Variants in RGS7 observed in about 807,000 individuals in gnomAD.
The protein encoded by RGS7 is regulator of G-protein signaling 7.
In RGS7, 27 loss-of-function variants were observed where a neutral mutation model predicts 81.1. The observed-to-expected ratio is 0.33, with a 90% CI of 0.25 to 0.46. RGS7 has a LOEUF of 0.46. Among genes scored for constraint, RGS7 ranks in the 20% least tolerant of loss-of-function variants. The probability of loss-of-function intolerance (pLI) is 1.00; values close to 1 mark genes in which losing one functional copy is unlikely to be tolerated. For synonymous variants in RGS7, 208 were observed against 207.7 expected (o/e 1.00, Z -0.01); for missense variants, 396 against 607.4 (o/e 0.65, Z 3.66).
chr1:240,959,118 ACTTTG>A lies in RGS7; in HGVS notation c.227-22417_227-22413del, dbSNP rs368556483. Among the ~76,000 whole-genome samples the A allele has an allele frequency of 3.0e-4, 45 of 152,342 alleles. 1 individual carries two copies. In the East Asian group the frequency reaches 6.7e-3, roughly 23 times the overall value. On this transcript the variant is annotated intron_variant, in intron 4 of 18. Coordinates refer to ENST00000440928, the MANE Select transcript of RGS7 (RefSeq NM_001364886.1). ...TCTTTGATACTTATAATAAATGCTC[ACTTTG>A]CTTTGATACTGGATATGACTAAAGT...
intron 2 of RGS7, among the ~76,000 whole-genome samples, chr1:241,200,694 T>C (rs190970485): frequency 3.3e-5 from 5 of 152,304 alleles, no homozygotes; most frequent in African/African-American, 9.6e-5. Flanking sequence ...CCCTCTCCTT[T>C]AGCTTCCATG....
chr1:240,875,460 T>C (rs1371313678), intron 6 of RGS7, among the ~76,000 whole-genome samples: 3 of 152,258 alleles, frequency 2.0e-5, no homozygotes, highest in Non-Finnish European at 4.4e-5. Context: ...TGATTCTGTA[T>C]CTTGGCTATT....
chr1:240,998,337 A>C, intron 3 of RGS7: 6 of 455,250 alleles, frequency 1.3e-5, no homozygotes, highest in Non-Finnish European at 2.4e-5. Context: ...AGCTTCTTCA[A>C]CTGAAGGTTT....
chr1:241,330,062 C>T (rs923991585), intron 2 of RGS7, among the ~76,000 whole-genome samples: 1 of 152,160 alleles, frequency 6.6e-6, no homozygotes, highest in African/African-American at 2.4e-5. Flanking sequence ...GCCTCAGCCT[C>T]TCGAGTAGCT....
intron 2 of RGS7, among the ~76,000 whole-genome samples, chr1:241,162,910 T>C (rs2069847668): frequency 6.6e-6 from 1 of 152,242 alleles, no homozygotes; most frequent in African/African-American, 2.4e-5. Context: ...AGTCTATTGA[T>C]AGCTGTTGCC....
In RGS7 at chr1:240,868,900, C is replaced by G. The variant is rs1381168795; in HGVS notation, c.451-48G>C. 1 of 1,533,000 alleles carries G rather than the reference C, an allele frequency of 6.5e-7. No individual in the cohort carries two copies. The highest frequency in any genetic ancestry group is 1.1e-5 in the South Asian group (1 of 89,486). 95.0% of individuals were successfully genotyped at this position (1,533,000 alleles called of 1,614,324 possible). ...AGACATTTGGTGTTCATTGTCACTGCTCTCTTCTAGCTTAGTTACCACTTG... is the reference window on the plus strand; with the variant it reads ...AGACATTTGGTGTTCATTGTCACTGGTCTCTTCTAGCTTAGTTACCACTTG... On this transcript the variant is annotated intron_variant, in intron 7 of 18. Coordinates refer to ENST00000440928, the MANE Select transcript of RGS7 (RefSeq NM_001364886.1). This position sits in a 1 kb window ranked among gnomAD's most constrained non-coding sequence, Gnocchi z 5.1.
intron 4 of RGS7, among the ~76,000 whole-genome samples, chr1:240,962,520 A>T (rs4660015): frequency 0.36 from 54,783 of 152,054 alleles, 11,283 homozygotes; most frequent in East Asian, 0.64. Flanking sequence ...AACCCACTAG[A>T]CAAGGTGCCA....
chr1:241,099,574 G>A (rs888763790), intron 2 of RGS7, among the ~76,000 whole-genome samples: 2 of 152,058 alleles, frequency 1.3e-5, no homozygotes, highest in African/African-American at 2.4e-5. Flanking sequence ...ATTCTAAAGG[G>A]CTGTGCTTCA....
intron 2 of RGS7, among the ~76,000 whole-genome samples, chr1:241,193,497 C>T (rs916751100): frequency 4.6e-5 from 7 of 152,216 alleles, no homozygotes; most frequent in Non-Finnish European, 1.0e-4. Context: ...CTGATATTAT[C>T]AATCAATTCA....
chr1:241,317,529 A>G (rs554028120), intron 2 of RGS7, among the ~76,000 whole-genome samples: 2 of 152,034 alleles, frequency 1.3e-5, no homozygotes, highest in East Asian at 3.9e-4. Context: ...GCTACTGTCA[A>G]CTCTTCAGCT....
intron 2 of RGS7, among the ~76,000 whole-genome samples, chr1:241,221,017 G>GGAAT (rs1558203672): frequency 9.5e-6 from 1 of 104,946 alleles, no homozygotes; most frequent in East Asian, 5.0e-4. Context: ...AAGGAAGGAA[G>GGAAT]GAAGGAAGGA....
At chr1:240,921,424 A>G (rs951245425) in intron 6 of RGS7, among the ~76,000 whole-genome samples, 1 of 152,096 alleles carries the variant, frequency 6.6e-6, no homozygotes, top group African/African-American at 2.4e-5. Flanking sequence ...CTGGAGTCCT[A>G]GGTAATGGAA....
intron 18 of RGS7, among the ~76,000 whole-genome samples, chr1:240,783,386 C>T (rs1684453994): frequency 6.6e-6 from 1 of 151,618 alleles, no homozygotes; most frequent in African/African-American, 2.4e-5. Flanking sequence ...CCTTGGGAGA[C>T]TGAGGTGGAT....
At chr1:240,851,874 C>G (rs374192120) in intron 9 of RGS7, among the ~76,000 whole-genome samples, 3 of 152,128 alleles carry the variant, frequency 2.0e-5, no homozygotes, top group Non-Finnish European at 4.4e-5. Flanking sequence ...TGATAAAACT[C>G]GAACAAAGGG....
intron 3 of RGS7, among the ~76,000 whole-genome samples, chr1:241,061,208 T>C (rs2061722331): frequency 6.6e-6 from 1 of 152,334 alleles, no homozygotes; most frequent in South Asian, 2.1e-4. Context: ...CTTTAGCAAT[T>C]ATAATGATGA....
chr1:241,006,197 C>G (rs910300082), intron 3 of RGS7, among the ~76,000 whole-genome samples: 8 of 152,160 alleles, frequency 5.3e-5, no homozygotes, highest in Non-Finnish European at 1.2e-4. Flanking sequence ...TTATAATCTT[C>G]CCTTGTCTCT....
At chr1:241,192,255 G>A (rs1330252266) in intron 2 of RGS7, among the ~76,000 whole-genome samples, 3 of 1,730 alleles carry the variant, frequency 1.7e-3, no homozygotes, top group African/African-American at 3.5e-3. Context: ...GTCTGCACGT[G>A]TGTGTGTGTG....
At chr1:241,294,006 C>T (rs1288458917) in intron 2 of RGS7, among the ~76,000 whole-genome samples, 2 of 152,194 alleles carry the variant, frequency 1.3e-5, no homozygotes, top group Non-Finnish European at 2.9e-5. Context: ...TTTATTGCAG[C>T]ACTATTTACC....
At chr1:240,811,302 G>C (rs1689808705) in intron 14 of RGS7, among the ~76,000 whole-genome samples, 1 of 152,178 alleles carries the variant, frequency 6.6e-6, no homozygotes, top group African/African-American at 2.4e-5. Flanking sequence ...ATTTAAAAAT[G>C]CAATTTTCAG....
Sources: gnomAD v4.1 joint callset for allele counts (sites outside exome capture counted in the v4.1 genomes callset) on GRCh38, gnomAD v4.1.1 for gene constraint, Gnocchi (gnomAD v3.1) non-coding constraint, MANE v1.5 for transcripts, NCBI Gene and HGNC (gene_info 2026-07-23, HGNC 2026-07-21) for gene names.